The following GSDME variants were observed in gnomAD, a reference collection of about 807,000 sequenced individuals.
GSDME encodes the protein gasdermin E, also known as gasdermin-E.
GSDME carries 44 observed loss-of-function variants against 47.5 expected under a neutral mutation model. The ratio of observed to expected loss-of-function variants is 0.93; its 90% CI spans 0.73 to 1.19. The LOEUF (loss-of-function observed/expected upper bound fraction) is 1.19, where lower values mean the gene tolerates loss of function less well. Ranked by LOEUF, GSDME falls within the 50% of genes most tolerant of loss-of-function variation. GSDME has a pLI of 0.00. For missense variants in GSDME, 663 were observed against 604.2 expected (o/e 1.10, Z -1.02); for synonymous variants, 258 against 252.8 (o/e 1.02, Z -0.20).
chr7:24,700,337 G>C (rs746664951), intron 9 of GSDME, among the ~76,000 whole-genome samples: 6 of 151,952 alleles, frequency 3.9e-5, no homozygotes, highest in East Asian at 1.9e-4. Context: ...TTAGGGTCTT[G>C]ATCTGTACCC....
At position 24,710,395 on chromosome 7, in the gene GSDME, T is replaced by A; in HGVS notation, c.698-7A>T. ...CCTCGGAGAAGGCAGAACTCTGTAG[T>A]GCAGGAGAAAAGGACAAGTTAGGTA... On this transcript the variant is annotated splice_region_variant and splice_polypyrimidine_tract_variant and intron_variant, in intron 5 of 9. Transcript: ENST00000645220. 1 of 1,614,194 alleles carries A rather than the reference T, an allele frequency of 6.2e-7. No homozygotes were observed. The highest frequency in any genetic ancestry group is 1.1e-5 in the South Asian group (1 of 91,082).
chr7:24,741,284 C>T (rs1205302006), intron 3 of GSDME, among the ~76,000 whole-genome samples: 1 of 151,564 alleles, frequency 6.6e-6, no homozygotes, highest in African/African-American at 2.4e-5. Flanking sequence ...AAATGAAAAG[C>T]GTATTACAGA....
At chr7:24,766,188 T>TGG in the GSDME span, among the ~76,000 whole-genome samples, 1 of 147,022 alleles carries the variant, frequency 6.8e-6, no homozygotes, top group Admixed American at 7.0e-5. The surrounding 1 kb of genome is among the most constrained non-coding windows in gnomAD (Gnocchi z 4.2). Context: ...ATTATTTGTG[T>TGG]GTGTGTGTGT....
At chr7:24,778,698 G>A in the GSDME span, among the ~76,000 whole-genome samples, 27 of 152,292 alleles carry the variant, frequency 1.8e-4, no homozygotes, top group African/African-American at 6.5e-4. This position sits in a 1 kb window ranked among gnomAD's most constrained non-coding sequence, Gnocchi z 5.6. Context: ...GGAAAGGGGG[G>A]CAAGCACGGA....
At chr7:24,734,285 A>G (rs1345665585) in intron 3 of GSDME, among the ~76,000 whole-genome samples, 1 of 152,238 alleles carries the variant, frequency 6.6e-6, no homozygotes, top group Non-Finnish European at 1.5e-5. Flanking sequence ...ACACCCAAGT[A>G]CCTTTGAATA....
chr7:24,701,319 G>C (rs1788859063), intron 9 of GSDME, among the ~76,000 whole-genome samples: 1 of 152,210 alleles, frequency 6.6e-6, no homozygotes, highest in Non-Finnish European at 1.5e-5. Context: ...GGCAGAATGT[G>C]CAGAAGCAGA....
chr7:24,703,004 G>T, intron 8 of GSDME, 171 bp from the exon 9 acceptor site: 1 of 589,994 alleles, frequency 1.7e-6, no homozygotes, highest in Non-Finnish European at 3.2e-6. Flanking sequence ...GGGCAGCAAA[G>T]ACCTTGTAGA....
chr7:24,723,442 C>G (rs1023611569), intron 3 of GSDME, among the ~76,000 whole-genome samples: 3 of 152,220 alleles, frequency 2.0e-5, no homozygotes, highest in African/African-American at 7.2e-5. Context: ...CAGGGCTCCC[C>G]TGTGCCCGCC....
chr7:24,767,584 G>A, the GSDME span, among the ~76,000 whole-genome samples: 1 of 150,964 alleles, frequency 6.6e-6, no homozygotes, highest in Non-Finnish European at 1.5e-5. This position sits in a 1 kb window ranked among gnomAD's most constrained non-coding sequence, Gnocchi z 5.3. Context: ...GCATGGCTTT[G>A]GCTGGATTTT....
intron 8 of GSDME, chr7:24,704,448 T>A (rs1057073246): frequency 7.2e-5 from 11 of 152,024 alleles, no homozygotes; most frequent in African/African-American, 2.7e-4. Flanking sequence ...GGAGAGAAGA[T>A]TATATTAAGA....
chr7:24,709,244 G>A (rs1178046040), intron 6 of GSDME, among the ~76,000 whole-genome samples: 2 of 152,198 alleles, frequency 1.3e-5, no homozygotes, highest in African/African-American at 2.4e-5. Context: ...AACTCGAAGG[G>A]TGGGCCTGTG....
At chr7:24,700,283 C>G (rs758293917) in intron 9 of GSDME, among the ~76,000 whole-genome samples, 9 of 152,172 alleles carry the variant, frequency 5.9e-5, no homozygotes, top group Non-Finnish European at 1.0e-4. Flanking sequence ...GGATGCTGCT[C>G]TAATTCCACT....
chr7:24,709,930 G>C (rs1789279723), intron 6 of GSDME, among the ~76,000 whole-genome samples: 1 of 152,164 alleles, frequency 6.6e-6, no homozygotes, highest in South Asian at 2.1e-4. Context: ...TGCTTACAAT[G>C]AAAGAAAAAT....
In GSDME at chr7:24,728,880, C is replaced by G. The variant is rs1244796942; in HGVS notation, c.405-9662G>C. Reference sequence around the variant, plus strand: ...GTGAGATAAGCCCTGCTCTTTCTCTCTCTGTCACTTGGCTGTAATGTAGAT... The same window carrying G: ...GTGAGATAAGCCCTGCTCTTTCTCTGTCTGTCACTTGGCTGTAATGTAGAT... On this transcript the variant is annotated intron_variant, in intron 3 of 9. Coordinates refer to ENST00000645220, the MANE Select transcript of GSDME (RefSeq NM_001127453.2). This position sits in a 1 kb window ranked among gnomAD's most constrained non-coding sequence, Gnocchi z 7.2. 6.6e-6 allele frequency among the ~76,000 whole-genome samples: 1 copy of G among 152,238 alleles called. No individual in the cohort carries two copies. The highest frequency in any genetic ancestry group is 1.5e-5 in the Non-Finnish European group (1 of 68,046).
At chr7:24,788,253 C>T in the GSDME span, among the ~76,000 whole-genome samples, 4 of 152,198 alleles carry the variant, frequency 2.6e-5, no homozygotes, top group African/African-American at 4.8e-5. This position sits in a 1 kb window ranked among gnomAD's most constrained non-coding sequence, Gnocchi z 4.6. Flanking sequence ...GGGGCTCTCT[C>T]GGGTTCAGCC....
intron 6 of GSDME, among the ~76,000 whole-genome samples, chr7:24,709,881 C>T (rs546592243): frequency 5.9e-5 from 9 of 152,246 alleles, no homozygotes; most frequent in African/African-American, 2.2e-4. Context: ...TCCATCCTCG[C>T]GGCTGATGAG....
At chr7:24,729,124 A>G (rs1790061275) in intron 3 of GSDME, among the ~76,000 whole-genome samples, 1 of 152,220 alleles carries the variant, frequency 6.6e-6, no homozygotes, top group Non-Finnish European at 1.5e-5. Flanking sequence ...TTAGACGAGT[A>G]ATTAATTAAC....
chr7:24,713,695 G>A lies in GSDME; in HGVS notation c.698-3307C>T, dbSNP rs572117752. On this transcript the variant is annotated intron_variant, in intron 5 of 9. Coordinates refer to ENST00000645220, the MANE Select transcript of GSDME (RefSeq NM_001127453.2). ...TGACATGGTGCAGACTGCATTCTTGGGACAAAGAGCCACAGAAGGGTGTCT... is the reference window on the plus strand; with the variant it reads ...TGACATGGTGCAGACTGCATTCTTGAGACAAAGAGCCACAGAAGGGTGTCT... Among the ~76,000 whole-genome samples, 93 of 152,234 alleles carry A rather than the reference G, an allele frequency of 6.1e-4. 1 individual carries two copies. Among genetic ancestry groups the A allele is most frequent in the Non-Finnish European group, 1.2e-3 (83 of 68,046 alleles).
chr7:24,720,110 G>A (rs1373880556), intron 3 of GSDME, among the ~76,000 whole-genome samples: 1 of 152,228 alleles, frequency 6.6e-6, no homozygotes, highest in African/African-American at 2.4e-5. Flanking sequence ...GGGAAACTGA[G>A]GCTGGTTATG....
Sources: gnomAD v4.1 joint callset for allele counts (sites outside exome capture counted in the v4.1 genomes callset) on GRCh38, gnomAD v4.1.1 for gene constraint, Gnocchi (gnomAD v3.1) non-coding constraint, MANE v1.5 for transcripts, NCBI Gene and HGNC (gene_info 2026-07-23, HGNC 2026-07-21) for gene names.